TSBP1: variants seen among roughly 807,000 people sequenced by gnomAD.
TSBP1 encodes the protein testis-expressed basic protein 1.
Under a neutral mutation model 68.8 loss-of-function variants are expected in TSBP1, and 56 were observed. That is an observed-to-expected ratio of 0.81 (90% confidence interval 0.66 to 1.02). The LOEUF (loss-of-function observed/expected upper bound fraction) is 1.02. Ranked by LOEUF, TSBP1 falls within the 50% of genes least tolerant of loss-of-function variation. TSBP1 has a pLI of 0.00. For missense variants in TSBP1, 502 were observed against 641.2 expected (o/e 0.78, Z 2.34); for synonymous variants, 171 against 208.7 (o/e 0.82, Z 1.56).
intron 3 of TSBP1, 109 bp downstream of exon 3, chr6:32,368,673 A>C: frequency 8.7e-7 from 1 of 1,153,810 alleles, no homozygotes; most frequent in Non-Finnish European, 1.2e-6. Flanking sequence ...GCAATGGTGC[A>C]CTATGCAAGG....
At chr6:32,307,777 G>GT (rs746149474) in intron 19 of TSBP1, among the ~76,000 whole-genome samples, 161 of 142,204 alleles carry the variant, frequency 1.1e-3, no homozygotes, top group East Asian at 2.5e-3. Flanking sequence ...TTAATTGCCT[G>GT]GTTTTTTTTT....
At chr6:32,353,289 T>G (rs1399310996) in intron 8 of TSBP1, among the ~76,000 whole-genome samples, 1 of 151,984 alleles carries the variant, frequency 6.6e-6, no homozygotes, top group Non-Finnish European at 1.5e-5. Flanking sequence ...ACATATAACT[T>G]ATATTCCAAC....
intron 22 of TSBP1, among the ~76,000 whole-genome samples, chr6:32,299,612 A>C (rs575935632): frequency 6.6e-6 from 1 of 152,222 alleles, no homozygotes; most frequent in African/African-American, 2.4e-5. Context: ...GCAATCTCTT[A>C]AATTGTAGTT....
At chr6:32,319,880 T>C (rs1326365307) in intron 18 of TSBP1, among the ~76,000 whole-genome samples, 1 of 152,004 alleles carries the variant, frequency 6.6e-6, no homozygotes, top group Admixed American at 6.6e-5. Context: ...CAATATATAT[T>C]TGTTGAATAC....
intron 6 of TSBP1, among the ~76,000 whole-genome samples, chr6:32,360,056 A>T (rs1455838370): frequency 6.6e-6 from 1 of 152,104 alleles, no homozygotes; most frequent in Admixed American, 6.5e-5. Flanking sequence ...TGATGAGAAT[A>T]TGTAAAACCT....
At chr6:32,297,887 C>T (rs1340283066) in intron 22 of TSBP1, among the ~76,000 whole-genome samples, 2 of 151,564 alleles carry the variant, frequency 1.3e-5, no homozygotes, top group Non-Finnish European at 2.9e-5. Context: ...AGTGAGACCC[C>T]ATCTCTATTT....
chr6:32,362,824 T>C (rs1409434602), intron 6 of TSBP1, among the ~76,000 whole-genome samples: 1 of 152,248 alleles, frequency 6.6e-6, no homozygotes, highest in Non-Finnish European at 1.5e-5. Context: ...GTATGGTATA[T>C]GATAAGGGCC....
intron 21 of TSBP1, among the ~76,000 whole-genome samples, chr6:32,300,160 G>A (rs1765138819): frequency 2.0e-5 from 3 of 151,916 alleles, no homozygotes; most frequent in African/African-American, 7.2e-5. Context: ...TTGAAATCTT[G>A]GGTAGGTAAA....
rs760879841 is a variant in TSBP1, at chr6:32,293,470, C to T, written c.1203G>A (p.Arg401=). 19 of 1,611,432 alleles carry T rather than the reference C, an allele frequency of 1.2e-5. No individual in the cohort carries two copies. The South Asian group carries it at 1.3e-4, about 11-fold the overall frequency. ...CCTGTCCTTTCAGTACAACTGACTC[C>T]CTCTTCTTTACCTGGGCTTCCTGTC... The change falls in exon 23 of 23, where the codon AGG becomes AGA. Residue 401 remains arginine (R), a synonymous_variant. Coordinates refer to ENST00000612031, the Ensembl canonical transcript of TSBP1.
At position 32,304,671 on chromosome 6, in the gene TSBP1, G is replaced by A. The variant is rs189344882; in HGVS notation, c.581-2042C>T. ...TACTAATTTATGTTCTCTCTTCATC[G>A]TCTTTTTTGTCTTTTCATGTTTTCT... On this transcript the variant is annotated intron_variant, in intron 19 of 22. Transcript: ENST00000612031. The surrounding 1 kb of genome is among the most constrained non-coding windows in gnomAD (Gnocchi z 4.8). 4.1e-3 allele frequency among the ~76,000 whole-genome samples: 628 copies of A among 152,122 alleles called. 6 individuals are homozygous for A. Among genetic ancestry groups the A allele is most frequent in the Non-Finnish European group, 3.8e-3 (258 of 67,994 alleles).
intron 20 of TSBP1, among the ~76,000 whole-genome samples, chr6:32,301,853 GTT>G (rs928523248): frequency 8.5e-4 from 129 of 151,492 alleles, no homozygotes; most frequent in African/African-American, 2.8e-3. Flanking sequence ...AATAAATCTA[GTT>G]TTTCCATATA....
chr6:32,317,329 G>A (rs1039011538), intron 18 of TSBP1, among the ~76,000 whole-genome samples: 1 of 152,224 alleles, frequency 6.6e-6, no homozygotes. Flanking sequence ...AAAGATTTAA[G>A]TGTAAAACCC....
At chr6:32,366,012 T>C in intron 6 of TSBP1, 155 bp downstream of exon 6, 1 of 1,169,154 alleles carries the variant, frequency 8.6e-7, no homozygotes, top group Middle Eastern at 1.9e-4. Context: ...CATAGCGTGA[T>C]GGTGAACATT....
At chr6:32,323,170 C>A in intron 17 of TSBP1, 33 bp from the exon 19 acceptor site, 1 of 1,476,962 alleles carries the variant, frequency 6.8e-7, no homozygotes, top group Non-Finnish European at 9.4e-7. Flanking sequence ...GTGAAGATTT[C>A]TTTGAAAGAA....
chr6:32,293,402 T>A, exon 23 of TSBP1: 1 of 1,613,034 alleles, frequency 6.2e-7, no homozygotes, highest in Non-Finnish European at 8.5e-7. Context: ...TTGGCCTTCT[T>A]GTCCTTTTGG....
At chr6:32,342,500 T>C (rs1770501777) in intron 9 of TSBP1, among the ~76,000 whole-genome samples, 2 of 152,168 alleles carry the variant, frequency 1.3e-5, no homozygotes, top group Admixed American at 6.5e-5. Flanking sequence ...GTTGTTGAAA[T>C]TAGTTATGTA....
chr6:32,317,296 C>T (rs151216707), intron 18 of TSBP1, among the ~76,000 whole-genome samples: 7 of 152,226 alleles, frequency 4.6e-5, no homozygotes, highest in East Asian at 3.9e-4. Flanking sequence ...ACACCACATA[C>T]GAAAATTAAC....
chr6:32,302,026 C>A lies in TSBP1; in HGVS notation c.601+583G>T. On this transcript the variant is annotated intron_variant, in intron 20 of 22. Coordinates refer to ENST00000612031, the Ensembl canonical transcript of TSBP1. The surrounding 1 kb of genome is among the most constrained non-coding windows in gnomAD (Gnocchi z 5.1). ...TGGCACATGAAAATTGTATGAAATTCAAATTTCAATGTCTAAAATAGTATT... is the reference window on the plus strand; with the variant it reads ...TGGCACATGAAAATTGTATGAAATTAAAATTTCAATGTCTAAAATAGTATT... 6.7e-6 allele frequency among the ~76,000 whole-genome samples: 1 copy of A among 150,128 alleles called. No individual in the cohort carries two copies.
intron 9 of TSBP1, among the ~76,000 whole-genome samples, chr6:32,342,992 G>A (rs1185474586): frequency 6.6e-6 from 1 of 152,162 alleles, no homozygotes; most frequent in African/African-American, 2.4e-5. Context: ...TGTGGTCAAA[G>A]GCAAGAATAA....
Sources: allele counts gnomAD v4.1 joint callset (sites outside exome capture counted in the v4.1 genomes callset), GRCh38; gene constraint gnomAD v4.1.1; non-coding constraint Gnocchi (gnomAD v3.1); transcripts MANE v1.5; gene names NCBI Gene and HGNC (gene_info 2026-07-23, HGNC 2026-07-21).